Variants in HTR1F observed in about 807,000 individuals in gnomAD.
HTR1F encodes the protein 5-hydroxytryptamine receptor 1F.
A neutral mutation model predicts 24.0 loss-of-function variants in HTR1F; 17 were observed. The observed-to-expected ratio is 0.71, with a 90% confidence interval of 0.48 to 1.06. HTR1F has a LOEUF of 1.06. HTR1F is among the 50% of genes least tolerant of loss of function. The probability of loss-of-function intolerance (pLI) is 0.00; values close to 1 mark genes in which losing one functional copy is unlikely to be tolerated. For missense variants in HTR1F, 391 were observed against 427.8 expected, an observed-to-expected ratio of 0.91 and a Z score of 0.76; for synonymous variants, 186 against 156.8, an observed-to-expected ratio of 1.19 and a Z score of -1.39.
intron 2 of HTR1F, among the ~76,000 whole-genome samples, chr3:87,917,724 A>C (rs754695342): frequency 6.3e-5 from 9 of 142,616 alleles, no homozygotes; most frequent in Non-Finnish European, 1.4e-4. Context: ...GTAATTCAAG[A>C]ATTAACAACA....
intron 2 of HTR1F, among the ~76,000 whole-genome samples, chr3:87,945,188 G>A (rs544022822): frequency 1.3e-5 from 2 of 151,948 alleles, no homozygotes; most frequent in South Asian, 4.2e-4. Flanking sequence ...GCCCTGGCAA[G>A]GATGGTGGGG....
At position 87,885,115 on chromosome 3, in the gene HTR1F, A is replaced by G. The variant is rs186663329; in HGVS notation, c.-43+62991A>G. Among the ~76,000 whole-genome samples the G allele has an allele frequency of 4.6e-5, 7 of 152,304 alleles. No individual in the cohort carries two copies. In the East Asian group the frequency reaches 1.2e-3, roughly 25 times the overall value. On this transcript the variant is annotated intron_variant, in intron 2 of 2. Transcript: ENST00000319595. ...AGTAAAACACTCCTCAGCAAATGTA[A>G]AAGAATAGAAATCACAACAAACTAT...
intron 2 of HTR1F, among the ~76,000 whole-genome samples, chr3:87,897,985 A>T (rs1706238565): frequency 6.6e-6 from 1 of 152,074 alleles, no homozygotes; most frequent in African/African-American, 2.4e-5. Context: ...AGTGATCAAT[A>T]ATTAGTTGAT....
In HTR1F at chr3:87,869,446, T is replaced by C. The variant is rs533253888; in HGVS notation, c.-43+47322T>C. ...ATAGATAGATAGATACATAGATAGATAGATAGATGATAGATAGATAGATAG... is the reference window on the plus strand; with the variant it reads ...ATAGATAGATAGATACATAGATAGACAGATAGATGATAGATAGATAGATAG... On this transcript the variant is annotated intron_variant, in intron 2 of 2. Transcript: ENST00000319595. 3.5e-4 allele frequency among the ~76,000 whole-genome samples: 44 copies of C among 124,826 alleles called. No homozygotes were observed. In the South Asian group the frequency reaches 7.0e-3, roughly 20 times the overall value. The allele number at this position is 124,826 out of a possible 152,430, so 81.9% of individuals were successfully genotyped here.
At chr3:87,989,803 G>C (rs917520627) in intron 2 of HTR1F, among the ~76,000 whole-genome samples, 1 of 152,160 alleles carries the variant, frequency 6.6e-6, no homozygotes, top group African/African-American at 2.4e-5. Flanking sequence ...CCAATAACGA[G>C]ATGCAGATGA....
At chr3:87,903,463 A>T (rs530803804) in intron 2 of HTR1F, among the ~76,000 whole-genome samples, 118 of 152,228 alleles carry the variant, frequency 7.8e-4, no homozygotes, top group African/African-American at 2.6e-3. Context: ...AAGTGGGCAA[A>T]GGACATGAAC....
chr3:87,883,014 C>G (rs1365907556), intron 2 of HTR1F, among the ~76,000 whole-genome samples: 1 of 152,152 alleles, frequency 6.6e-6, no homozygotes, highest in Non-Finnish European at 1.5e-5. Context: ...GGTTCCTGAC[C>G]TCCATGTAGC....
chr3:87,924,738 A>G (rs1325229796), intron 2 of HTR1F, among the ~76,000 whole-genome samples: 1 of 152,172 alleles, frequency 6.6e-6, no homozygotes, highest in Non-Finnish European at 1.5e-5. Context: ...ATCTGCTGTC[A>G]GTCTAATGAG....
intron 2 of HTR1F, among the ~76,000 whole-genome samples, chr3:87,852,841 G>A (rs1705116328): frequency 1.3e-5 from 2 of 151,528 alleles, no homozygotes; most frequent in African/African-American, 4.9e-5. Flanking sequence ...AAAACTTATT[G>A]TGATTCTAAT....
chr3:87,964,724 A>G (rs1429346137), intron 2 of HTR1F, among the ~76,000 whole-genome samples: 1 of 152,198 alleles, frequency 6.6e-6, no homozygotes, highest in East Asian at 1.9e-4. Flanking sequence ...AGATAGTAAG[A>G]GATGTTCCTT....
chr3:87,793,228 G>A (rs993020537), intron 1 of HTR1F: 9 of 152,352 alleles, frequency 5.9e-5, no homozygotes, highest in African/African-American at 2.2e-4. Flanking sequence ...GAAGCCGCTG[G>A]GGTGGAGAGA....
At chr3:87,930,267 C>A (rs1004217728) in intron 2 of HTR1F, among the ~76,000 whole-genome samples, 3 of 152,082 alleles carry the variant, frequency 2.0e-5, no homozygotes, top group African/African-American at 7.2e-5. Flanking sequence ...CTATTTGATG[C>A]CCTCTGTTTC....
Position 87,880,558 on chromosome 3 carries a change from A to G in HTR1F, c.-43+58434A>G, listed in dbSNP as rs187443251. Among the ~76,000 whole-genome samples, 24 of 152,272 alleles carry G rather than the reference A, an allele frequency of 1.6e-4. 1 individual carries two copies. In the East Asian group the frequency reaches 4.6e-3, roughly 29 times the overall value. ...CAGGAATAAATTATTTTCAAAAAAT[A>G]TTTCTTCAATTTATTCATTGATACC... On this transcript the variant is annotated intron_variant, in intron 2 of 2. Transcript: ENST00000319595.
At chr3:87,974,639 G>A (rs1360108598) in intron 2 of HTR1F, among the ~76,000 whole-genome samples, 2 of 152,054 alleles carry the variant, frequency 1.3e-5, no homozygotes, top group African/African-American at 2.4e-5. Context: ...TGAGCTATTT[G>A]AGAAAATGTT....
chr3:87,940,908 C>T (rs1704552606), intron 2 of HTR1F, among the ~76,000 whole-genome samples: 1 of 152,168 alleles, frequency 6.6e-6, no homozygotes, highest in Non-Finnish European at 1.5e-5. Context: ...GATCTCTTCC[C>T]TGTATTATTT....
chr3:87,880,216 G>A (rs979627563), intron 2 of HTR1F, among the ~76,000 whole-genome samples: 1 of 152,160 alleles, frequency 6.6e-6, no homozygotes, highest in Non-Finnish European at 1.5e-5. Flanking sequence ...AAACTTTGGG[G>A]AGTAATAGGA....
At chr3:87,861,049 C>T (rs1199578457) in intron 2 of HTR1F, among the ~76,000 whole-genome samples, 4 of 152,006 alleles carry the variant, frequency 2.6e-5, no homozygotes, top group Non-Finnish European at 5.9e-5. Context: ...CCCAGCTACA[C>T]GGGAAGCTGA....
chr3:87,904,801 T>G (rs1001929878), intron 2 of HTR1F, among the ~76,000 whole-genome samples: 2 of 152,038 alleles, frequency 1.3e-5, no homozygotes, highest in African/African-American at 2.4e-5. Flanking sequence ...TAATCTAGAT[T>G]GATGGAAGTT....
intron 2 of HTR1F, among the ~76,000 whole-genome samples, chr3:87,967,595 G>A (rs1164534510): frequency 7.0e-6 from 1 of 143,240 alleles, no homozygotes; most frequent in Non-Finnish European, 1.5e-5. Flanking sequence ...ATGGGGGGGG[G>A]TGGGTAGGTC....
Sources: allele counts gnomAD v4.1 joint callset (sites outside exome capture counted in the v4.1 genomes callset), GRCh38; gene constraint gnomAD v4.1.1; transcripts MANE v1.5; gene names NCBI Gene and HGNC (gene_info 2026-07-23, HGNC 2026-07-21).